Variants in C12orf56 observed in about 807,000 individuals in gnomAD.
C12orf56 encodes chromosome 12 open reading frame 56, also known as uncharacterized protein C12orf56.
C12orf56 carries 71 observed loss-of-function variants against 69.9 expected under a neutral mutation model. That is an observed-to-expected ratio of 1.02 (90% CI 0.84 to 1.24). The LOEUF is 1.24. Ranked by LOEUF, C12orf56 falls within the 50% of genes most tolerant of loss-of-function variation. C12orf56 has a pLI of 0.00. For synonymous variants in C12orf56, 276 were observed against 274.1 expected (o/e 1.01, Z -0.07); for missense variants, 732 against 738.5 (o/e 0.99, Z 0.10).
intron 1 of C12orf56, among the ~76,000 whole-genome samples, chr12:64,376,212 C>A (rs1469702248): frequency 6.6e-6 from 1 of 152,188 alleles, no homozygotes; most frequent in African/African-American, 2.4e-5. Flanking sequence ...CCGTCATATT[C>A]ACCTGACCTC....
In C12orf56 at chr12:64,266,972, T is replaced by A. The variant is rs866838397; in HGVS notation, c.*211A>T. On this transcript the variant is annotated 3_prime_UTR_variant, in exon 13 of 13. Coordinates refer to ENST00000543942, the MANE Select transcript of C12orf56 (RefSeq NM_001170633.2). ...GCTCTTTTGCCCAATGGCATAAAGA[T>A]CTTTGCACACTTATAATAAATCAAA... 1 of 477,158 alleles carries A rather than the reference T, an allele frequency of 2.1e-6. No individual in the cohort carries two copies. The highest frequency in any genetic ancestry group is 3.6e-6 in the Non-Finnish European group (1 of 276,708). 29.6% of individuals were successfully genotyped at this position (477,158 alleles called of 1,614,324 possible). A position where few individuals can be genotyped will look rare whatever the true frequency, so the allele number is the denominator to read the frequency against.
chr12:64,390,623 C>A lies in C12orf56; in HGVS notation c.-58G>T. 7.2e-7 allele frequency: 1 copy of A among 1,392,242 alleles called. No homozygotes were observed. The allele number at this position is 1,392,242 out of a possible 1,614,324, so 86.2% of individuals were successfully genotyped here. The stretch of plus-strand genomic sequence containing the variant: ...ACTCGAGGCCCTCAGCTCGCCCTCT[C>A]CCCGCCCCCGCGCTGGAACCCGCGC... On this transcript the variant is annotated 5_prime_UTR_variant, in exon 1 of 13. Coordinates refer to ENST00000543942, the MANE Select transcript of C12orf56 (RefSeq NM_001170633.2).
At chr12:64,303,516 A>G (rs2038473850) in intron 6 of C12orf56, 119 bp downstream of exon 6, 1 of 863,238 alleles carries the variant, frequency 1.2e-6, no homozygotes, top group East Asian at 2.7e-5. Flanking sequence ...AATTTTATCA[A>G]CATTTAAAAA....
Position 64,266,059 on chromosome 12 carries a change from C to T in C12orf56, c.*1124G>A, listed in dbSNP as rs1441325991. 6 of 152,246 alleles carry T rather than the reference C, an allele frequency of 3.9e-5. No homozygotes were observed. Among genetic ancestry groups the T allele is most frequent in the African/African-American group, 1.2e-4 (5 of 41,462 alleles). The allele number at this position is 152,246 out of a possible 1,614,324, so 9.4% of individuals were successfully genotyped here. ...AAAGAGGAAGTGACATTCTATACAG[C>T]TATGCCTGTGTTCTGCTCATTCTTC... On this transcript the variant is annotated 3_prime_UTR_variant, in exon 13 of 13. Transcript: ENST00000543942.
intron 5 of C12orf56, among the ~76,000 whole-genome samples, chr12:64,304,823 G>A (rs1261982537): frequency 2.0e-5 from 3 of 152,028 alleles, no homozygotes; most frequent in South Asian, 4.2e-4. Flanking sequence ...AGGAAGTTGT[G>A]GGGGGGTTTA....
At chr12:64,355,769 T>C (rs540926231) in intron 1 of C12orf56, 1 of 152,494 alleles carries the variant, frequency 6.6e-6, no homozygotes, top group East Asian at 1.9e-4. Flanking sequence ...TCATGTCAGA[T>C]GGGTAATGTG....
intron 1 of C12orf56, among the ~76,000 whole-genome samples, chr12:64,354,466 T>C (rs2135953171): frequency 6.6e-6 from 1 of 152,082 alleles, no homozygotes; most frequent in Admixed American, 6.5e-5. Context: ...TCTCTTTTTT[T>C]TTTATTTTGA....
chr12:64,318,633 A>G lies in C12orf56; in HGVS notation c.836T>C (p.Ile279Thr). 2 of 1,537,006 alleles carry G rather than the reference A, an allele frequency of 1.3e-6. No homozygotes were observed. The highest frequency in any genetic ancestry group is 1.2e-5 in the South Asian group (1 of 84,056). Residue 279 changes from isoleucine to threonine, a missense_variant, in exon 4 of 13, where the codon ATT becomes ACT. Physicochemically the swap from Ile to Thr is moderately conservative, Grantham distance 89. Coordinates refer to ENST00000543942, the MANE Select transcript of C12orf56 (RefSeq NM_001170633.2). Reference sequence around the variant, plus strand: ...CAGAAATATTGATGAGGTTGTGGAAATAACATACAAATGAAGTTCTGACTC... The same window carrying G: ...CAGAAATATTGATGAGGTTGTGGAAGTAACATACAAATGAAGTTCTGACTC... ...KKESELHLYV[I>T]STTSSIFLHL...
At chr12:64,365,780 A>AAATATATAATGTATATATTATGTAT (rs2039462667) in intron 1 of C12orf56, among the ~76,000 whole-genome samples, 1 of 141,982 alleles carries the variant, frequency 7.0e-6, no homozygotes, top group Non-Finnish European at 1.5e-5. Context: ...TACATATAAT[A>AAATATATAATGTATATATTATGTAT]AATATATAAT....
intron 1 of C12orf56, among the ~76,000 whole-genome samples, chr12:64,362,175 A>G (rs1235136067): frequency 2.6e-5 from 4 of 152,050 alleles, no homozygotes; most frequent in African/African-American, 9.7e-5. Flanking sequence ...TTCTCCTTAG[A>G]AACTGGGGCT....
chr12:64,293,026 C>T (rs1246904780), intron 6 of C12orf56, among the ~76,000 whole-genome samples: 11 of 151,594 alleles, frequency 7.3e-5, no homozygotes, highest in East Asian at 2.0e-4. Flanking sequence ...TAGGACCCTC[C>T]GAGCCAGGTG....
At chr12:64,376,568 A>AT (rs944004162) in intron 1 of C12orf56, among the ~76,000 whole-genome samples, 3 of 152,088 alleles carry the variant, frequency 2.0e-5, no homozygotes, top group African/African-American at 7.2e-5. Context: ...TAAGCCCAGC[A>AT]TCCACTAGCT....
intron 12 of C12orf56, among the ~76,000 whole-genome samples, chr12:64,270,092 G>T (rs1385700256): frequency 3.3e-5 from 5 of 151,766 alleles, no homozygotes; most frequent in Non-Finnish European, 2.9e-5. Context: ...AGATCAAAGT[G>T]AAATATTATT....
intron 5 of C12orf56, among the ~76,000 whole-genome samples, chr12:64,306,476 G>A (rs1208944723): frequency 7.4e-5 from 11 of 149,602 alleles, no homozygotes; most frequent in Admixed American, 6.7e-4. Flanking sequence ...GGGTTCAAGC[G>A]ATTCTTGTGC....
At chr12:64,299,443 T>C (rs2038414875) in intron 6 of C12orf56, among the ~76,000 whole-genome samples, 9 of 152,202 alleles carry the variant, frequency 5.9e-5, no homozygotes, top group Admixed American at 5.9e-4. Context: ...CAGGTAAGAA[T>C]ATTATATTAA....
chr12:64,327,383 G>C (rs2038858532), intron 3 of C12orf56, among the ~76,000 whole-genome samples: 1 of 152,182 alleles, frequency 6.6e-6, no homozygotes, highest in South Asian at 2.1e-4. Context: ...ATAGTTCCAT[G>C]AAAATGCATG....
rs758105722 is a variant in C12orf56, at chr12:64,352,895, T to G, written c.414A>C (p.Lys138Asn). The G allele has an allele frequency of 2.1e-5, 34 of 1,602,682 alleles. No homozygotes were observed. The highest frequency in any genetic ancestry group is 2.8e-5 in the Non-Finnish European group (33 of 1,177,182). Residue 138 changes from lysine to asparagine, a missense_variant and splice_region_variant, in exon 2 of 13, where the codon AAA (lysine) becomes AAC (asparagine). By Grantham distance (94) the Lys-to-Asn change is moderately conservative. Coordinates refer to ENST00000543942, the MANE Select transcript of C12orf56 (RefSeq NM_001170633.2). ...PFHHTKANNK[K>N]VKEEKNGLAF... is the part of the protein sequence containing the mutation. The stretch of plus-strand genomic sequence containing the variant: ...CAGAGACAGATTGGAAGTACCTACC[T>G]TTCTTGTTGTTAGCTTTAGTATGAT...
At chr12:64,379,850 G>A (rs1478767061) in intron 1 of C12orf56, among the ~76,000 whole-genome samples, 1 of 149,472 alleles carries the variant, frequency 6.7e-6, no homozygotes, top group East Asian at 2.0e-4. Context: ...TTGGGAGGCC[G>A]AGGTGGGCGG....
chr12:64,338,942 C>T, intron 2 of C12orf56: 1 of 507,822 alleles, frequency 2.0e-6, no homozygotes, highest in Non-Finnish European at 3.6e-6. Context: ...GAGGCATGGA[C>T]ACTGAGATGA....
Sources: gnomAD v4.1 joint callset for allele counts (sites outside exome capture counted in the v4.1 genomes callset) on GRCh38, gnomAD v4.1.1 for gene constraint, MANE v1.5 for transcripts, NCBI Gene and HGNC (gene_info 2026-07-23, HGNC 2026-07-21) for gene names.